The following CALCR variants were observed in gnomAD, a reference collection of about 807,000 sequenced individuals.
CALCR encodes calcitonin receptor.
In CALCR, 47 loss-of-function variants were observed where a neutral mutation model predicts 59.5. The observed-to-expected ratio is 0.79, with a 90% CI of 0.63 to 1.01. The LOEUF is 1.01. Ranked by LOEUF, CALCR falls within the 50% of genes least tolerant of loss-of-function variation. CALCR has a pLI of 0.00. For synonymous variants in CALCR, 213 were observed against 211.3 expected (o/e 1.01, Z -0.07); for missense variants, 566 against 597.1 (o/e 0.95, Z 0.54).
At chr7:93,513,631 T>A (rs751516866) in intron 2 of CALCR, among the ~76,000 whole-genome samples, 14 of 152,020 alleles carry the variant, frequency 9.2e-5, no homozygotes, top group Non-Finnish European at 1.8e-4. Context: ...TCTTTACAAG[T>A]TGTGTGACCT....
intron 2 of CALCR, among the ~76,000 whole-genome samples, chr7:93,496,289 A>T (rs1801201215): frequency 6.6e-6 from 1 of 151,058 alleles, no homozygotes; most frequent in Non-Finnish European, 1.5e-5. Context: ...CACTTTAAAG[A>T]CTCTAATTTT....
intron 2 of CALCR, among the ~76,000 whole-genome samples, chr7:93,509,966 A>C (rs1801508529): frequency 6.6e-6 from 1 of 150,634 alleles, no homozygotes; most frequent in African/African-American, 2.4e-5. Context: ...TACATTTATA[A>C]TGCTTTTAAT....
chr7:93,465,548 T>A (rs2115828137), intron 7 of CALCR, among the ~76,000 whole-genome samples: 1 of 152,098 alleles, frequency 6.6e-6, no homozygotes, highest in South Asian at 2.1e-4. Context: ...CTGCATATCA[T>A]CTTGACTATT....
At chr7:93,563,393 G>T (rs1459768008) in intron 2 of CALCR, among the ~76,000 whole-genome samples, 1 of 152,126 alleles carries the variant, frequency 6.6e-6, no homozygotes, top group African/African-American at 2.4e-5. Flanking sequence ...GTATGGTTTT[G>T]AAATTCTATT....
In CALCR at chr7:93,543,572, C is replaced by G. The variant is rs562254249; in HGVS notation, c.-27+30717G>C. The stretch of plus-strand genomic sequence containing the variant: ...GCGTCACTAGATGATAAGAATTCTT[C>G]AGCTCCATTATAATCTTATGGGACC... On this transcript the variant is annotated intron_variant, in intron 2 of 13. Transcript: ENST00000426151. Among the ~76,000 whole-genome samples the G allele has an allele frequency of 4.6e-5, 7 of 152,186 alleles. No homozygotes were observed. The South Asian group carries it at 1.5e-3, about 32-fold the overall frequency.
intron 8 of CALCR, among the ~76,000 whole-genome samples, chr7:93,446,859 C>G (rs533126889): frequency 1.3e-5 from 2 of 152,106 alleles, no homozygotes; most frequent in African/African-American, 4.8e-5. Context: ...AGACAAAAAT[C>G]TGCACTCAAA....
chr7:93,468,611 T>C (rs1800487347), intron 7 of CALCR, 104 bp downstream of exon 7: 1 of 666,568 alleles, frequency 1.5e-6, no homozygotes, highest in Non-Finnish European at 2.6e-6. Context: ...ATGTCGCTTG[T>C]AATTTGCTGA....
At chr7:93,521,664 A>T (rs182735396) in intron 2 of CALCR, among the ~76,000 whole-genome samples, 4 of 152,166 alleles carry the variant, frequency 2.6e-5, no homozygotes, top group African/African-American at 9.6e-5. Context: ...TTTTGTATCC[A>T]TATAATTCAT....
Position 93,477,551 on chromosome 7 carries a change from A to T in CALCR, c.316+7T>A. ...GCAAGAACATAAAATGAAAATAAACACTCTACCTGATGGATCAAAATCCGG... is the reference window on the plus strand; with the variant it reads ...GCAAGAACATAAAATGAAAATAAACTCTCTACCTGATGGATCAAAATCCGG... On this transcript the variant is annotated splice_region_variant and intron_variant, in intron 5 of 13. Coordinates refer to ENST00000426151, the MANE Select transcript of CALCR (RefSeq NM_001742.4). 1 of 1,565,406 alleles carries T rather than the reference A, an allele frequency of 6.4e-7. No individual in the cohort carries two copies. Among genetic ancestry groups the T allele is most frequent in the Non-Finnish European group, 8.8e-7 (1 of 1,137,588 alleles).
intron 5 of CALCR, among the ~76,000 whole-genome samples, chr7:93,475,491 T>C (rs995956501): frequency 3.2e-4 from 49 of 151,848 alleles, no homozygotes; most frequent in African/African-American, 1.2e-3. Context: ...CAAGCTTACT[T>C]GCAATTTTTA....
intron 2 of CALCR, among the ~76,000 whole-genome samples, chr7:93,509,556 T>C (rs1248369778): frequency 2.6e-5 from 4 of 152,152 alleles, no homozygotes; most frequent in African/African-American, 9.7e-5. Flanking sequence ...CCAACTGCTT[T>C]CAAAGCAGAA....
chr7:93,477,984 A>AAAAT (rs1800705502), intron 4 of CALCR, among the ~76,000 whole-genome samples: 5 of 149,474 alleles, frequency 3.3e-5, no homozygotes, highest in African/African-American at 1.2e-4. Flanking sequence ...AAAAAAAAAA[A>AAAAT]AAAAAAAAAA....
At chr7:93,489,019 A>C (rs184108607) in intron 2 of CALCR, among the ~76,000 whole-genome samples, 1 of 151,914 alleles carries the variant, frequency 6.6e-6, no homozygotes, top group African/African-American at 2.4e-5. Context: ...TGGAAGTAAA[A>C]CATTCCTCAG....
At chr7:93,528,781 C>G (rs1265970671) in intron 2 of CALCR, among the ~76,000 whole-genome samples, 1 of 152,156 alleles carries the variant, frequency 6.6e-6, no homozygotes, top group African/African-American at 2.4e-5. Flanking sequence ...TTCCATAATA[C>G]TAATATTCTA....
chr7:93,510,163 ACTCGATAATTAC>A lies in CALCR; in HGVS notation c.-26-23168_-26-23157del, dbSNP rs1335131358. Among the ~76,000 whole-genome samples the A allele has an allele frequency of 5.2e-4, 79 of 152,206 alleles. 2 individuals are homozygous for A. In the South Asian group the frequency reaches 0.016, roughly 31 times the overall value. Reference sequence around the variant, plus strand: ...CAGAACTCAGAGTAGAGTGGTGGGTACTCGATAATTACTTACATTGATTATATAAAACTATGA... The same window carrying A: ...CAGAACTCAGAGTAGAGTGGTGGGTATTACATTGATTATATAAAACTATGA... On this transcript the variant is annotated intron_variant, in intron 2 of 13. Coordinates refer to ENST00000426151, the MANE Select transcript of CALCR (RefSeq NM_001742.4).
intron 7 of CALCR, among the ~76,000 whole-genome samples, chr7:93,461,768 A>C (rs1214750949): frequency 2.0e-5 from 3 of 152,204 alleles, no homozygotes; most frequent in Non-Finnish European, 4.4e-5. Context: ...ATAAATAAAC[A>C]TTAATTTGAA....
intron 2 of CALCR, among the ~76,000 whole-genome samples, chr7:93,519,298 G>A (rs968007776): frequency 6.6e-6 from 1 of 151,920 alleles, no homozygotes; most frequent in African/African-American, 2.4e-5. Context: ...CTGATATGTG[G>A]CATCAATATG....
chr7:93,440,724 C>A (rs956940213), intron 9 of CALCR, among the ~76,000 whole-genome samples: 1 of 152,000 alleles, frequency 6.6e-6, no homozygotes, highest in Non-Finnish European at 1.5e-5. Flanking sequence ...CAATTAGCAT[C>A]AGGTCTGCCC....
chr7:93,440,072 T>C (rs1383411853), intron 9 of CALCR, among the ~76,000 whole-genome samples: 1 of 152,134 alleles, frequency 6.6e-6, no homozygotes, highest in Non-Finnish European at 1.5e-5. Flanking sequence ...ATCCTAGAAT[T>C]GGAAACATTA....
Sources: allele counts gnomAD v4.1 joint callset (sites outside exome capture counted in the v4.1 genomes callset), GRCh38; gene constraint gnomAD v4.1.1; transcripts MANE v1.5; gene names NCBI Gene and HGNC (gene_info 2026-07-23, HGNC 2026-07-21).